Variants in RECQL observed in about 807,000 individuals in gnomAD.
The protein encoded by RECQL is ATP-dependent DNA helicase Q1.
RECQL carries 73 observed loss-of-function variants against 75.8 expected under a neutral mutation model. The ratio of observed to expected loss-of-function variants is 0.96; its 90% confidence interval spans 0.80 to 1.17. The LOEUF (loss-of-function observed/expected upper bound fraction) is 1.17. RECQL is among the 50% of genes most tolerant of loss of function. The pLI is 0.00. For synonymous variants in RECQL, 248 were observed against 254.4 expected, an observed-to-expected ratio of 0.97 and a Z score of 0.24; for missense variants, 699 against 772.1, an observed-to-expected ratio of 0.91 and a Z score of 1.12.
intron 2 of RECQL, among the ~76,000 whole-genome samples, chr12:21,494,397 G>C (rs749495801): frequency 6.6e-6 from 1 of 152,102 alleles, no homozygotes; most frequent in South Asian, 2.1e-4. Context: ...ACTGAAACAG[G>C]GTTTATGGAA....
At chr12:21,496,284 TTAA>T (rs1302762834) in intron 2 of RECQL, among the ~76,000 whole-genome samples, 2 of 152,236 alleles carry the variant, frequency 1.3e-5, no homozygotes, top group Non-Finnish European at 2.9e-5. Flanking sequence ...TGTAATTTCA[TTAA>T]TAAGACAGAA....
chr12:21,496,044 T>C (rs1044734575), intron 2 of RECQL, among the ~76,000 whole-genome samples: 2 of 152,228 alleles, frequency 1.3e-5, no homozygotes, highest in African/African-American at 4.8e-5. Context: ...CCAGCAAAAC[T>C]GCCTTTACCA....
chr12:21,470,079 A>T lies in RECQL; in HGVS notation c.*115T>A. On this transcript the variant is annotated 3_prime_UTR_variant, in exon 15 of 15. Transcript: ENST00000444129. ...TCAGAGATAAGCTCTGAAAATATAG[A>T]TCCATACATATAAAATATCTATGAA... is the stretch of plus-strand genomic sequence containing the variant. 1.3e-6 allele frequency: 1 copy of T among 767,896 alleles called. No individual in the cohort carries two copies. The highest frequency in any genetic ancestry group is 2.1e-6 in the Non-Finnish European group (1 of 484,954). The allele number at this position is 767,896 out of a possible 1,614,324, so 47.6% of individuals were successfully genotyped here.
intron 12 of RECQL, 39 bp from the exon 13 acceptor site, chr12:21,471,686 T>C (rs909174006): frequency 1.3e-6 from 2 of 1,524,484 alleles, no homozygotes; most frequent in Admixed American, 3.4e-5. Flanking sequence ...AATTAGGATT[T>C]AGAAATGAGG....
chr12:21,477,733 A>AAT (rs1257287443), intron 7 of RECQL, 70 bp downstream of exon 7: 2 of 1,300,196 alleles, frequency 1.5e-6, no homozygotes, highest in African/African-American at 3.0e-5. Flanking sequence ...GTAAATAAAC[A>AAT]TAATAAAAAG....
At chr12:21,478,171 T>A (rs1186005971) in intron 6 of RECQL, among the ~76,000 whole-genome samples, 1 of 152,174 alleles carries the variant, frequency 6.6e-6, no homozygotes, top group African/African-American at 2.4e-5. Flanking sequence ...TTGGTCACGG[T>A]GGACTCAAGA....
intron 2 of RECQL, among the ~76,000 whole-genome samples, chr12:21,493,200 C>G (rs1943444639): frequency 6.6e-6 from 1 of 152,134 alleles, no homozygotes; most frequent in Admixed American, 6.5e-5. Context: ...GATTAGATTT[C>G]AAGGCATTAA....
chr12:21,493,301 G>A (rs1204047723), intron 2 of RECQL, among the ~76,000 whole-genome samples: 1 of 152,176 alleles, frequency 6.6e-6, no homozygotes, highest in East Asian at 1.9e-4. Context: ...ATAGACACCA[G>A]TAGAAAAATA....
At chr12:21,471,812 T>A (rs1942974232) in intron 12 of RECQL, among the ~76,000 whole-genome samples, 165 bp from the exon 13 acceptor site, 1 of 152,006 alleles carries the variant, frequency 6.6e-6, no homozygotes, top group Non-Finnish European at 1.5e-5. Context: ...ATTCCTCAAG[T>A]CTCTGTCACT....
chr12:21,480,710 C>T (rs1943176907), intron 6 of RECQL, among the ~76,000 whole-genome samples: 1 of 152,134 alleles, frequency 6.6e-6, no homozygotes, highest in Non-Finnish European at 1.5e-5. Flanking sequence ...GGCTTCTCAT[C>T]CCTGCAGCAG....
intron 8 of RECQL, among the ~76,000 whole-genome samples, chr12:21,476,208 T>C (rs988445491): frequency 7.2e-5 from 11 of 152,036 alleles, no homozygotes; most frequent in Non-Finnish European, 1.6e-4. Context: ...TTGGAGAACA[T>C]TGCATTCAAC....
chr12:21,475,411 A>T, intron 10 of RECQL, 57 bp downstream of exon 10: 1 of 985,550 alleles, frequency 1.0e-6, no homozygotes. Flanking sequence ...AGCATTTATC[A>T]TGTATTTTTT....
intron 12 of RECQL, among the ~76,000 whole-genome samples, chr12:21,472,581 C>T (rs969252034): frequency 3.9e-5 from 6 of 152,012 alleles, no homozygotes; most frequent in Non-Finnish European, 2.9e-5. Context: ...GGCATTGTCA[C>T]GGCATTTGTA....
chr12:21,485,394 C>T (rs145134779), intron 5 of RECQL, among the ~76,000 whole-genome samples: 42 of 149,446 alleles, frequency 2.8e-4, no homozygotes, highest in African/African-American at 8.6e-4. Flanking sequence ...ACCACAAGGA[C>T]GCAATCAGGA....
chr12:21,475,369 A>G (rs1238812262), intron 10 of RECQL, 99 bp downstream of exon 10: 2 of 766,186 alleles, frequency 2.6e-6, no homozygotes, highest in Non-Finnish European at 4.3e-6. Context: ...TAAAAATACT[A>G]TCCAATAAAG....
rs189249545 is a variant in RECQL at position 21,479,454 on chromosome 12, G to A, written c.701-1485C>T. Among the ~76,000 whole-genome samples, 68 of 149,598 alleles carry A rather than the reference G, an allele frequency of 4.5e-4. 1 individual carries two copies. The highest frequency in any genetic ancestry group is 1.3e-3 in the African/African-American group (52 of 40,568). On this transcript the variant is annotated intron_variant, in intron 6 of 14. Transcript: ENST00000444129. ...TGCAAGCTCCACCTCCCGGGTTCAC[G>A]CCATTCTCCCGCCTTAGCCTTTCGA...
intron 5 of RECQL, among the ~76,000 whole-genome samples, chr12:21,484,327 G>T (rs905084946): frequency 3.3e-5 from 5 of 152,238 alleles, no homozygotes; most frequent in African/African-American, 1.2e-4. Context: ...CTAGGATACA[G>T]ATGTTCTTTT....
At chr12:21,488,745 A>G (rs541326558) in intron 4 of RECQL, among the ~76,000 whole-genome samples, 2 of 152,266 alleles carry the variant, frequency 1.3e-5, no homozygotes, top group African/African-American at 2.4e-5. Context: ...TATCTTCCAG[A>G]TGTATCTGGA....
At chr12:21,478,505 GGA>G (rs1943129491) in intron 6 of RECQL, among the ~76,000 whole-genome samples, 1 of 152,178 alleles carries the variant, frequency 6.6e-6, no homozygotes, top group Non-Finnish European at 1.5e-5. Context: ...AAGATTTCAA[GGA>G]GATAATACTT....
Sources: allele counts gnomAD v4.1 joint callset (sites outside exome capture counted in the v4.1 genomes callset), GRCh38; gene constraint gnomAD v4.1.1; transcripts MANE v1.5; gene names NCBI Gene and HGNC (gene_info 2026-07-23, HGNC 2026-07-21).